Variants in DOCK3 observed in about 807,000 individuals in gnomAD.
The protein encoded by DOCK3 is dedicator of cytokinesis 3, also known as dedicator of cytokinesis protein 3.
In DOCK3, 60 loss-of-function variants were observed where a neutral mutation model predicts 265.6. The observed-to-expected ratio is 0.23, with a 90% CI of 0.18 to 0.28. DOCK3 has a LOEUF of 0.28. Ranked by LOEUF, DOCK3 falls within the 10% of genes least tolerant of loss-of-function variation. The pLI is 1.00. For synonymous variants in DOCK3, 881 were observed against 938.0 expected (o/e 0.94, Z 1.11); for missense variants, 1,981 against 2,594.3 (o/e 0.76, Z 5.14).
intron 12 of DOCK3, among the ~76,000 whole-genome samples, chr3:51,205,701 G>C (rs967782837): frequency 1.3e-5 from 2 of 152,010 alleles, no homozygotes; most frequent in African/African-American, 4.8e-5. Flanking sequence ...ACCCTGTATA[G>C]ATCAGTTAAT....
At chr3:51,095,821 T>C (rs1416263267) in intron 9 of DOCK3, among the ~76,000 whole-genome samples, 4 of 109,728 alleles carry the variant, frequency 3.6e-5, no homozygotes, top group Non-Finnish European at 5.1e-5. Flanking sequence ...TTTTCAAATG[T>C]CAATCCTTAA....
intron 9 of DOCK3, among the ~76,000 whole-genome samples, chr3:51,141,190 T>G (rs993427121): frequency 2.4e-5 from 1 of 41,208 alleles, no homozygotes; most frequent in Non-Finnish European, 4.3e-5. Flanking sequence ...TATATTTTCT[T>G]TCTTTTTTTT....
intron 27 of DOCK3, among the ~76,000 whole-genome samples, chr3:51,304,227 C>A (rs999076006): frequency 6.6e-6 from 1 of 152,052 alleles, no homozygotes; most frequent in Admixed American, 6.5e-5. Context: ...AGTTTGGATC[C>A]AAACCGTCCA....
chr3:50,734,480 C>T (rs1198298984), intron 1 of DOCK3, among the ~76,000 whole-genome samples: 1 of 151,974 alleles, frequency 6.6e-6, no homozygotes, highest in East Asian at 1.9e-4. Context: ...CCAGCCTGGG[C>T]AACAGAGCAA....
intron 2 of DOCK3, among the ~76,000 whole-genome samples, chr3:50,782,509 C>T (rs1295109461): frequency 1.3e-5 from 2 of 151,480 alleles, no homozygotes; most frequent in African/African-American, 4.9e-5. Flanking sequence ...CCAGGATGGT[C>T]TCGATCTCCT....
intron 38 of DOCK3, among the ~76,000 whole-genome samples, chr3:51,342,269 C>T (rs1576869616): frequency 6.6e-6 from 1 of 152,328 alleles, no homozygotes; most frequent in East Asian, 1.9e-4. Flanking sequence ...CAAAAATATT[C>T]ACTCAGAAAA....
intron 38 of DOCK3, among the ~76,000 whole-genome samples, chr3:51,348,533 A>C (rs918178580): frequency 6.6e-6 from 1 of 151,824 alleles, no homozygotes; most frequent in Non-Finnish European, 1.5e-5. Context: ...CAAGAAAAGT[A>C]AGTAATTTTT....
At chr3:51,278,199 T>C in intron 26 of DOCK3, 9 of 985,428 alleles carry the variant, frequency 9.1e-6, no homozygotes, top group Non-Finnish European at 1.1e-5. Flanking sequence ...GTCCATTATG[T>C]TTGTATCTAA....
chr3:51,251,310 A>G (rs2079218398), intron 22 of DOCK3, among the ~76,000 whole-genome samples: 1 of 152,196 alleles, frequency 6.6e-6, no homozygotes, highest in Admixed American at 6.5e-5. Flanking sequence ...GCTATTGTGA[A>G]TAGTGCCGCA....
At chr3:50,851,855 A>G (rs746836481) in intron 3 of DOCK3, among the ~76,000 whole-genome samples, 2 of 152,228 alleles carry the variant, frequency 1.3e-5, no homozygotes, top group African/African-American at 4.8e-5. Flanking sequence ...AAATTCCTAG[A>G]TGGTCATGCT....
At chr3:51,089,574 G>A (rs190952855) in intron 8 of DOCK3, among the ~76,000 whole-genome samples, 20 of 152,220 alleles carry the variant, frequency 1.3e-4, no homozygotes, top group East Asian at 5.8e-4. Context: ...TAAATCAAGC[G>A]CATTGGGGTC....
intron 1 of DOCK3, among the ~76,000 whole-genome samples, chr3:50,771,418 A>G (rs61242765): frequency 0.025 from 3,799 of 152,298 alleles, 184 homozygotes; most frequent in African/African-American, 0.087. Flanking sequence ...CCAAGTTAAA[A>G]TGACTTATAT....
chr3:50,841,563 G>A (rs2045830774), intron 2 of DOCK3, 112 bp from the exon 3 acceptor site: 1 of 356,986 alleles, frequency 2.8e-6, no homozygotes, highest in Non-Finnish European at 5.3e-6. Flanking sequence ...TAAAGCCACA[G>A]TGGGTGTTTT....
intron 7 of DOCK3, among the ~76,000 whole-genome samples, chr3:51,083,195 A>G (rs930890681): frequency 2.0e-5 from 3 of 152,194 alleles, no homozygotes; most frequent in African/African-American, 7.2e-5. Flanking sequence ...ACTGACACTG[A>G]TTATAGCTGA....
At chr3:51,173,146 A>G (rs1201355277) in intron 12 of DOCK3, among the ~76,000 whole-genome samples, 1 of 152,096 alleles carries the variant, frequency 6.6e-6, no homozygotes, top group African/African-American at 2.4e-5. Flanking sequence ...TTTTAGACAT[A>G]GTCTTACCCT....
At chr3:50,763,882 A>G (rs2040693366) in intron 1 of DOCK3, among the ~76,000 whole-genome samples, 1 of 152,114 alleles carries the variant, frequency 6.6e-6, no homozygotes, top group African/African-American at 2.4e-5. Flanking sequence ...GACTATGGAT[A>G]TTGGTCTATA....
At chr3:51,376,917 G>A (rs146150957) in intron 51 of DOCK3, among the ~76,000 whole-genome samples, 1 of 152,236 alleles carries the variant, frequency 6.6e-6, no homozygotes, top group African/African-American at 2.4e-5. Flanking sequence ...CTTCAAGGTC[G>A]TATATCCCGA....
chr3:50,827,047 A>G (rs2044799726), intron 2 of DOCK3, among the ~76,000 whole-genome samples: 1 of 152,196 alleles, frequency 6.6e-6, no homozygotes, highest in African/African-American at 2.4e-5. Flanking sequence ...ATGAAAATAG[A>G]CTAATTTCAT....
At chr3:50,717,729 C>T (rs1975834) in intron 1 of DOCK3, among the ~76,000 whole-genome samples, 137,822 of 152,200 alleles carry the variant, frequency 0.91, 62,560 homozygotes, top group African/African-American at 0.95. Context: ...TTCAAGTGAT[C>T]CTCCTTCCTC....
Sources: allele counts gnomAD v4.1 joint callset (sites outside exome capture counted in the v4.1 genomes callset), GRCh38; gene constraint gnomAD v4.1.1; transcripts MANE v1.5; gene names NCBI Gene and HGNC (gene_info 2026-07-23, HGNC 2026-07-21).